ALCAM: variants seen among roughly 807,000 people sequenced by gnomAD.
ALCAM encodes activated leukocyte cell adhesion molecule.
In ALCAM, 30 loss-of-function variants were observed where a neutral mutation model predicts 70.9. The ratio of observed to expected loss-of-function variants is 0.42; its 90% CI spans 0.32 to 0.57. ALCAM has a LOEUF of 0.57. Among genes scored for constraint, ALCAM ranks in the 20% least tolerant of loss-of-function variants. ALCAM has a pLI of 0.11. For missense variants in ALCAM, 591 were observed against 695.1 expected (o/e 0.85, Z 1.68); for synonymous variants, 249 against 242.5 (o/e 1.03, Z -0.25).
At chr3:105,476,263 C>T (rs76257745) in intron 1 of ALCAM, among the ~76,000 whole-genome samples, 1,614 of 152,128 alleles carry the variant, frequency 0.011, 21 homozygotes, top group African/African-American at 0.035. Flanking sequence ...GCTGGAATTC[C>T]TTGAGCCTCC....
intron 1 of ALCAM, among the ~76,000 whole-genome samples, chr3:105,422,243 G>T (rs148423548): frequency 3.3e-5 from 5 of 151,320 alleles, no homozygotes; most frequent in Admixed American, 1.3e-4. Flanking sequence ...TTCATGGGTC[G>T]ATAGGCACTT....
rs763351683 is a variant in ALCAM, at chr3:105,533,604, TG to T, written c.464del (p.Gly155ValfsTer32). 1 of 1,610,582 alleles carries T rather than the reference TG, an allele frequency of 6.2e-7. No individual in the cohort carries two copies. Among genetic ancestry groups the T allele is most frequent in the Non-Finnish European group, 8.5e-7 (1 of 1,177,532 alleles). ...TAACATTGCCTTTTTATTTTGCAGT[TG>T]GGTGACTGCATTTCAGAAGACAGTT... is the stretch of plus-strand genomic sequence containing the variant. Reference protein sequence around the residue: ...LFLETEQLKKLGDCISEDSYP... With the variant: ...LFLETEQLKKXGDCISEDSYP... On this transcript the variant is annotated frameshift_variant and splice_region_variant, in exon 5 of 16. Transcript: ENST00000306107. LOFTEE classifies it high-confidence loss of function.
chr3:105,471,418 G>T (rs1164955267), intron 1 of ALCAM, among the ~76,000 whole-genome samples: 1 of 151,242 alleles, frequency 6.6e-6, no homozygotes, highest in Non-Finnish European at 1.5e-5. Flanking sequence ...AATGGAAAAT[G>T]GGTCCAGGTA....
chr3:105,394,874 G>GT (rs35590979), intron 1 of ALCAM, among the ~76,000 whole-genome samples: 4 of 151,846 alleles, frequency 2.6e-5, no homozygotes, highest in South Asian at 2.1e-4. Context: ...AATTGCCTTT[G>GT]TTTTTTCTGA....
At chr3:105,402,772 C>G (rs999023015) in intron 1 of ALCAM, among the ~76,000 whole-genome samples, 1 of 151,964 alleles carries the variant, frequency 6.6e-6, no homozygotes, top group African/African-American at 2.4e-5. Context: ...ACGTCTATCC[C>G]TGCCCCTACC....
At chr3:105,525,848 C>T (rs977698084) in intron 3 of ALCAM, among the ~76,000 whole-genome samples, 4 of 152,184 alleles carry the variant, frequency 2.6e-5, no homozygotes, top group Admixed American at 6.5e-5. Flanking sequence ...CCACACTTCT[C>T]GATCGTTGTA....
intron 3 of ALCAM, among the ~76,000 whole-genome samples, chr3:105,525,919 A>C (rs1288590208): frequency 6.6e-6 from 1 of 152,232 alleles, no homozygotes; most frequent in African/African-American, 2.4e-5. Flanking sequence ...AAAACATCCC[A>C]AATAGTCTGC....
intron 1 of ALCAM, among the ~76,000 whole-genome samples, chr3:105,456,316 CAG>C (rs1198048655): frequency 6.6e-6 from 1 of 152,178 alleles, no homozygotes; most frequent in Non-Finnish European, 1.5e-5. Flanking sequence ...AAGCCAAGAA[CAG>C]TTGCGGACTA....
At chr3:105,435,435 C>T (rs1368961277) in intron 1 of ALCAM, among the ~76,000 whole-genome samples, 2 of 152,210 alleles carry the variant, frequency 1.3e-5, no homozygotes, top group African/African-American at 4.8e-5. Flanking sequence ...ATGACTGTCA[C>T]TATTTTCTTT....
chr3:105,528,981 T>C (rs1451867233), intron 3 of ALCAM, among the ~76,000 whole-genome samples: 2 of 152,176 alleles, frequency 1.3e-5, no homozygotes, highest in African/African-American at 2.4e-5. Flanking sequence ...CAGCTGCCCC[T>C]GTCTCCAACA....
At chr3:105,387,981 C>A (rs1935700373) in intron 1 of ALCAM, among the ~76,000 whole-genome samples, 1 of 151,354 alleles carries the variant, frequency 6.6e-6, no homozygotes, top group South Asian at 2.1e-4. Flanking sequence ...TAATGAAGCA[C>A]TAAGCATGTA....
intron 11 of ALCAM, 30 bp from the exon 12 acceptor site, chr3:105,550,097 C>G (rs772723366): frequency 1.9e-6 from 3 of 1,559,124 alleles, no homozygotes; most frequent in Non-Finnish European, 2.6e-6. Flanking sequence ...ATTTTGATTT[C>G]TAAACCCACC....
chr3:105,527,959 A>G (rs191214223), intron 3 of ALCAM, among the ~76,000 whole-genome samples: 296 of 152,246 alleles, frequency 1.9e-3, no homozygotes, highest in South Asian at 2.9e-3. Context: ...TAACAATGAG[A>G]TCTACACCAG....
In ALCAM at chr3:105,576,063, A is replaced by T. The variant is rs1052854292; in HGVS notation, c.*1612A>T. 8.5e-5 allele frequency: 13 copies of T among 152,328 alleles called. No individual in the cohort carries two copies. Among genetic ancestry groups the T allele is most frequent in the African/African-American group, 3.1e-4 (13 of 41,468 alleles). 9.4% of individuals were successfully genotyped at this position (152,328 alleles called of 1,614,324 possible). The stretch of plus-strand genomic sequence containing the variant: ...CGTTTAATAAAAGCTTCCGTAGTGC[A>T]TTGGTATGGATTAAATGCATAAAAT... On this transcript the variant is annotated 3_prime_UTR_variant, in exon 16 of 16. Transcript: ENST00000306107.
chr3:105,447,763 A>G lies in ALCAM; in HGVS notation c.74-72304A>G, dbSNP rs926545792. On this transcript the variant is annotated intron_variant, in intron 1 of 15. Coordinates refer to ENST00000306107, the MANE Select transcript of ALCAM (RefSeq NM_001627.4). ...TTTGTGTTTATACCTTTGTAAATAT[A>G]ATTCTGAAACTGTAGCGTATTTTTG... Among the ~76,000 whole-genome samples the G allele has an allele frequency of 7.2e-5, 11 of 152,318 alleles. No homozygotes were observed. The East Asian group carries it at 7.7e-4, about 11-fold the overall frequency.
At chr3:105,420,035 TAAA>T (rs35793207) in intron 1 of ALCAM, among the ~76,000 whole-genome samples, 1,893 of 151,734 alleles carry the variant, frequency 0.012, 20 homozygotes, top group Non-Finnish European at 0.019. Context: ...CAAGCACAAA[TAAA>T]AAAACCGTTT....
At chr3:105,504,831 G>A (rs568550693) in intron 1 of ALCAM, among the ~76,000 whole-genome samples, 1 of 152,342 alleles carries the variant, frequency 6.6e-6, no homozygotes, top group Non-Finnish European at 1.5e-5. Flanking sequence ...AGGCCTGGGG[G>A]TGGAGCCCTA....
chr3:105,533,733 C>T, intron 5 of ALCAM, 43 bp downstream of exon 5: 1 of 1,554,680 alleles, frequency 6.4e-7, no homozygotes, highest in East Asian at 2.3e-5. Context: ...TTCAGAGGAC[C>T]TGTTCTGACT....
At chr3:105,442,780 CAA>C (rs372141197) in intron 1 of ALCAM, among the ~76,000 whole-genome samples, 1 of 138,134 alleles carries the variant, frequency 7.2e-6, no homozygotes. Context: ...GATTCCGTCT[CAA>C]AAAAAAAAAG....
Sources: gnomAD v4.1 joint callset for allele counts (sites outside exome capture counted in the v4.1 genomes callset) on GRCh38, gnomAD v4.1.1 for gene constraint, MANE v1.5 for transcripts, NCBI Gene and HGNC (gene_info 2026-07-23, HGNC 2026-07-21) for gene names.